The following PKP3 variants were observed in gnomAD, a reference collection of about 807,000 sequenced individuals.
The protein encoded by PKP3 is plakophilin 3.
Under a neutral mutation model 76.5 loss-of-function variants are expected in PKP3, and 66 were observed. The observed-to-expected ratio is 0.86, with a 90% CI of 0.71 to 1.06. The LOEUF is 1.06. PKP3 is among the 50% of genes least tolerant of loss of function. PKP3 has a pLI of 0.00. For synonymous variants in PKP3, 638 were observed against 516.5 expected (o/e 1.24, Z -3.19); for missense variants, 1,338 against 1,141.0 (o/e 1.17, Z -2.49).
At position 403,636 on chromosome 11, in the gene PKP3, C is replaced by T. The variant is rs370327820; in HGVS notation, c.1942C>T (p.Arg648Cys). The change falls in exon 10 of 13, where the codon CGC becomes TGC. Residue 648 changes from arginine (R) to cysteine (C), a missense_variant. Physicochemically the swap from Arg to Cys is radical, Grantham distance 180. Coordinates refer to ENST00000331563, the MANE Select transcript of PKP3 (RefSeq NM_007183.4). ...CCCACAGTGGGCGGGGGTGCTGAGC[C>T]GCCTGGCCCTGGAGCAGGAGCGTAT... The part of the protein sequence containing the change: ...GDRRWAGVLS[R>C]LALEQERILN... 5.4e-5 allele frequency: 86 copies of T among 1,606,820 alleles called. 2 individuals are homozygous for T. The highest frequency in any genetic ancestry group is 4.9e-4 in the Middle Eastern group (3 of 6,070).
intron 8 of PKP3, 140 bp downstream of exon 8, chr11:400,845 C>T (rs1413394156): frequency 2.9e-5 from 5 of 173,832 alleles, no homozygotes; most frequent in African/African-American, 2.1e-4. Context: ...CACCCCCGCC[C>T]CGCTCACCCC....
Position 396,528 on chromosome 11 carries a change from C to T in PKP3, c.233-80C>T, listed in dbSNP as rs551727439. On this transcript the variant is annotated intron_variant, in intron 1 of 12. Coordinates refer to ENST00000331563, the MANE Select transcript of PKP3 (RefSeq NM_007183.4). ...AGGCTGCTCCTAGGGTTGCCAATAG[C>T]GATGGAGTGGTGGAGAGGAGGCAGG... 9.7e-4 allele frequency: 979 copies of T among 1,009,424 alleles called. 5 individuals are homozygous for T. Among genetic ancestry groups the T allele is most frequent in the East Asian group, 3.6e-4 (14 of 38,860 alleles). 62.5% of individuals were successfully genotyped at this position (1,009,424 alleles called of 1,614,324 possible). A position where few individuals can be genotyped will look rare whatever the true frequency, so the allele number is the denominator to read the frequency against.
chr11:404,224 C>T lies in PKP3; in HGVS notation c.2271-12C>T, dbSNP rs1285284861. Reference sequence around the variant, plus strand: ...GGCTGTGTGTCCCCTCCTGACTGCCCTCCACCCTCAGCCCCGACAGTGAGA... The same window carrying T: ...GGCTGTGTGTCCCCTCCTGACTGCCTTCCACCCTCAGCCCCGACAGTGAGA... On this transcript the variant is annotated splice_polypyrimidine_tract_variant and intron_variant, in intron 11 of 12. Coordinates refer to ENST00000331563, the MANE Select transcript of PKP3 (RefSeq NM_007183.4). The surrounding 1 kb of genome is among the most constrained non-coding windows in gnomAD (Gnocchi z 4.2). The T allele has an allele frequency of 6.2e-7, 1 of 1,611,968 alleles. No homozygotes were observed. The highest frequency in any genetic ancestry group is 1.3e-5 in the African/African-American group (1 of 75,044).
In PKP3 at chr11:404,155, T is replaced by C. The variant is rs866233116; in HGVS notation, c.2270+20T>C. The stretch of plus-strand genomic sequence containing the variant: ...GGACAGGTAGGGGCCGACCCAGCCG[T>C]GCAGCAGCCTGGTCAGGGGTCCTCC... On this transcript the variant is annotated intron_variant, in intron 11 of 12. Coordinates refer to ENST00000331563, the MANE Select transcript of PKP3 (RefSeq NM_007183.4). This position sits in a 1 kb window ranked among gnomAD's most constrained non-coding sequence, Gnocchi z 4.2. The C allele has an allele frequency of 1.2e-6, 2 of 1,608,354 alleles. No homozygotes were observed. Among genetic ancestry groups the C allele is most frequent in the Middle Eastern group, 3.3e-4 (2 of 6,038 alleles).
At position 404,727 on chromosome 11, in the gene PKP3, G is replaced by A. The variant is rs12281799; in HGVS notation, c.*158G>A. ...ATCTTTGAGGGTCCTGGGCCACCAG[G>A]AGGGGCAGGGTCTTATAGCTGGGGA... On this transcript the variant is annotated 3_prime_UTR_variant, in exon 13 of 13. Transcript: ENST00000331563. The surrounding 1 kb of genome is among the most constrained non-coding windows in gnomAD (Gnocchi z 4.2). The A allele has an allele frequency of 2.3e-3, 1,528 of 650,844 alleles. 19 individuals are homozygous for A. The African/African-American group carries it at 0.026, about 11-fold the overall frequency. 40.3% of individuals were successfully genotyped at this position (650,844 alleles called of 1,614,324 possible). A position where few individuals can be genotyped will look rare whatever the true frequency, so the allele number is the denominator to read the frequency against.
In PKP3 at chr11:403,622, C is replaced by T. The variant is rs201248875; in HGVS notation, c.1928C>T (p.Ala643Val). ...TCACACCCTCCCTCCCCACAGTGGG[C>T]GGGGGTGCTGAGCCGCCTGGCCCTG... ...QNITAGDRRW[A>V]GVLSRLALEQ... is the part of the protein sequence containing the mutation. Residue 643 changes from alanine (A) to valine (V), a missense_variant, in exon 10 of 13, where the codon GCG becomes GTG. Ala to Val is a moderately conservative substitution (Grantham distance 64, BLOSUM62 0). Coordinates refer to ENST00000331563, the MANE Select transcript of PKP3 (RefSeq NM_007183.4). The T allele has an allele frequency of 5.3e-5, 85 of 1,604,170 alleles. No individual in the cohort carries two copies. The highest frequency in any genetic ancestry group is 3.8e-4 in the East Asian group (17 of 44,858).
chr11:397,060 G>A lies in PKP3; in HGVS notation c.559G>A (p.Gly187Arg), dbSNP rs751586218. The change falls in exon 3 of 13, where the codon GGG (glycine) becomes AGG (arginine). Residue 187 changes from glycine to arginine, a missense_variant. By Grantham distance (125) the Gly-to-Arg change is moderately radical. Coordinates refer to ENST00000331563, the MANE Select transcript of PKP3 (RefSeq NM_007183.4). ...DTLSLRSLRL[G>R]PGGLDDRYSL... ...ACTCTCCCTGCGCTCGCTGCGGCTG[G>A]GGCCCGGGGGCCTGGACGACCGCTA... The A allele has an allele frequency of 6.9e-5, 111 of 1,598,890 alleles. No homozygotes were observed. Among genetic ancestry groups the A allele is most frequent in the Non-Finnish European group, 8.6e-5 (102 of 1,179,594 alleles).
chr11:404,130 G>C lies in PKP3; in HGVS notation c.2265G>C (p.Arg755=), dbSNP rs373195656. 2.6e-5 allele frequency: 42 copies of C among 1,609,544 alleles called. 1 individual carries two copies. The Middle Eastern group carries it at 6.6e-4, about 25-fold the overall frequency. ...AGCTCATCTTCATCAAGAAGAAGCG[G>C]GACAGGTAGGGGCCGACCCAGCCGT... ...LRKLIFIKKK[R]DSPDSEKSSR... The change falls in exon 11 of 13, where the codon CGG becomes CGC. Residue 755 remains arginine (R), a synonymous_variant. Coordinates refer to ENST00000331563, the MANE Select transcript of PKP3 (RefSeq NM_007183.4). This position sits in a 1 kb window ranked among gnomAD's most constrained non-coding sequence, Gnocchi z 4.2.
intron 9 of PKP3, 48 bp from the exon 10 acceptor site, chr11:403,570 G>A: frequency 6.4e-7 from 1 of 1,569,626 alleles, no homozygotes; most frequent in South Asian, 1.1e-5. Flanking sequence ...CCCCTCAGGT[G>A]AGGGTCTGAG....
At chr11:396,582 T>TG in intron 1 of PKP3, 26 bp from the exon 2 acceptor site, 1 of 1,543,836 alleles carries the variant, frequency 6.5e-7, no homozygotes, top group Non-Finnish European at 8.8e-7. Flanking sequence ...GTGGCAGAGC[T>TG]GGGCTACCAC....
rs769559432 is a variant in PKP3 at position 396,717 on chromosome 11, G to A, written c.312+30G>A. 304 of 1,596,482 alleles carry A rather than the reference G, an allele frequency of 1.9e-4. 2 individuals are homozygous for A. The East Asian group carries it at 6.1e-3, about 32-fold the overall frequency. On this transcript the variant is annotated intron_variant, in intron 2 of 12. Transcript: ENST00000331563. ...GCGATGGGCCCAGCCCGAGGGGGAC[G>A]ATCTGAGCTCTGCAGTCTGGAGAGT... is the stretch of plus-strand genomic sequence containing the variant.
intron 9 of PKP3, 29 bp downstream of exon 9, chr11:403,292 G>A (rs1490476076): frequency 1.3e-6 from 2 of 1,518,378 alleles, no homozygotes; most frequent in Non-Finnish European, 1.8e-6. Context: ...ACCCGAGGGG[G>A]TCCCAGGGGT....
chr11:394,073 G>A (rs112753456), upstream of PKP3: 30 of 605,944 alleles, frequency 5.0e-5, no homozygotes, highest in Middle Eastern at 4.8e-4. Flanking sequence ...CTGTTCTTCC[G>A]CCCAAATTCC....
chr11:403,562 C>T, intron 9 of PKP3, 56 bp from the exon 10 acceptor site: 2 of 1,555,178 alleles, frequency 1.3e-6, no homozygotes, highest in Non-Finnish European at 1.7e-6. Flanking sequence ...GGCAGGACCC[C>T]CTCAGGTGAG....
Position 403,980 on chromosome 11 carries a change from G to A in PKP3, c.2115G>A (p.Pro705=), listed in dbSNP as rs11748. 0.55 allele frequency: 889,473 copies of A among 1,607,308 alleles called. 248,427 individuals carry two copies. The highest frequency in any genetic ancestry group is 0.64 in the Admixed American group (38,105 of 59,640). Residue 705 remains proline, a synonymous_variant, in exon 11 of 13, where the codon CCG becomes CCA. Coordinates refer to ENST00000331563, the MANE Select transcript of PKP3 (RefSeq NM_007183.4). Reference sequence around the variant, plus strand: ...TGAGCCACCTGATCGAGAAGCTGCCGGGCAGCGTGGGTGAGAAGTCGCCCC... The same window carrying A: ...TGAGCCACCTGATCGAGAAGCTGCCAGGCAGCGTGGGTGAGAAGTCGCCCC... ...KVVSHLIEKL[P]GSVGEKSPPA... is the part of the protein sequence containing the mutation.
upstream of PKP3, among the ~76,000 whole-genome samples, chr11:393,834 G>A (rs7118448): frequency 0.23 from 35,699 of 152,002 alleles, 5,070 homozygotes; most frequent in East Asian, 0.56. Flanking sequence ...AGGGACTGGG[G>A]CACCCTCCCC....
chr11:403,298 G>A (rs761327661), intron 9 of PKP3, 35 bp downstream of exon 9: 2 of 1,504,792 alleles, frequency 1.3e-6, no homozygotes, highest in Non-Finnish European at 1.8e-6. Context: ...GGGGGTCCCA[G>A]GGGTTCATGC....
In PKP3 at chr11:394,493, T is replaced by C. The variant is rs770218564; in HGVS notation, c.201T>C (p.Ala67=). 7.1e-7 allele frequency: 1 copy of C among 1,410,228 alleles called. No homozygotes were observed. The allele number at this position is 1,410,228 out of a possible 1,614,324, so 87.4% of individuals were successfully genotyped here. A position where few individuals can be genotyped will look rare whatever the true frequency, so the allele number is the denominator to read the frequency against. Reference sequence around the variant, plus strand: ...AGCAGCCGCGGCACAACGGGGCCGCTGAGCCCGAGCCTGAGGCCGAGACTG... The same window carrying C: ...AGCAGCCGCGGCACAACGGGGCCGCCGAGCCCGAGCCTGAGGCCGAGACTG... ...LGQQPRHNGA[A]EPEPEAETAR... is the part of the protein sequence containing the mutation. Residue 67 remains alanine (A), a synonymous_variant, in exon 1 of 13, where the codon GCT becomes GCC. Coordinates refer to ENST00000331563, the MANE Select transcript of PKP3 (RefSeq NM_007183.4).
intron 4 of PKP3, among the ~76,000 whole-genome samples, chr11:398,226 G>C (rs1239881413): frequency 2.3e-4 from 14 of 61,060 alleles, no homozygotes; most frequent in African/African-American, 6.8e-4. Context: ...GCACACACCT[G>C]CGTCACCTCC....
Sources: allele counts gnomAD v4.1 joint callset (sites outside exome capture counted in the v4.1 genomes callset), GRCh38; gene constraint gnomAD v4.1.1; non-coding constraint Gnocchi (gnomAD v3.1); transcripts MANE v1.5; gene names NCBI Gene and HGNC (gene_info 2026-07-23, HGNC 2026-07-21).